CLMN: variants seen among roughly 807,000 people sequenced by gnomAD.
CLMN encodes calmin (calponin-like, transmembrane).
CLMN carries 57 observed loss-of-function variants against 92.7 expected under a neutral mutation model. That is an observed-to-expected ratio of 0.61 (90% confidence interval 0.50 to 0.77). The LOEUF (loss-of-function observed/expected upper bound fraction) is 0.77, where lower values mean the gene tolerates loss of function less well. Ranked by LOEUF, CLMN falls within the 30% of genes least tolerant of loss-of-function variation. The pLI is 0.00. For missense variants in CLMN, 1,158 were observed against 1,237.5 expected, an observed-to-expected ratio of 0.94 and a Z score of 0.96; for synonymous variants, 466 against 470.6, an observed-to-expected ratio of 0.99 and a Z score of 0.13.
At chr14:95,251,672 G>A (rs1898791476) in intron 1 of CLMN, among the ~76,000 whole-genome samples, 1 of 152,200 alleles carries the variant, frequency 6.6e-6, no homozygotes, top group Admixed American at 6.5e-5. Flanking sequence ...ACATAAAAAT[G>A]ATATTCTCAA....
Position 95,285,171 on chromosome 14 carries a change from C to T in CLMN, c.82+34540G>A, listed in dbSNP as rs1223782320. On this transcript the variant is annotated intron_variant, in intron 1 of 12. Transcript: ENST00000298912. ...CCACCACCATATAAGAAGTGCCTTT[C>T]GCCTCTCACCATGATTCTGAGGCCT... Among the ~76,000 whole-genome samples, 6 of 152,166 alleles carry T rather than the reference C, an allele frequency of 3.9e-5. No individual in the cohort carries two copies. The East Asian group carries it at 9.6e-4, about 24-fold the overall frequency.
chr14:95,187,508 G>T lies in CLMN; in HGVS notation c.*4056C>A, dbSNP rs1896468305. ...TTGGGGATTGGAATAGGAGGGATGG[G>T]GTGAGACATGGGGCTGAAGACCAGG... On this transcript the variant is annotated 3_prime_UTR_variant, in exon 13 of 13. Coordinates refer to ENST00000298912, the MANE Select transcript of CLMN (RefSeq NM_024734.4). 1 of 152,222 alleles carries T rather than the reference G, an allele frequency of 6.6e-6. No individual in the cohort carries two copies. The highest frequency in any genetic ancestry group is 6.5e-5 in the Admixed American group (1 of 15,288). The allele number at this position is 152,222 out of a possible 1,614,324, so 9.4% of individuals were successfully genotyped here. A position where few individuals can be genotyped will look rare whatever the true frequency, so the allele number is the denominator to read the frequency against.
intron 1 of CLMN, among the ~76,000 whole-genome samples, chr14:95,300,314 G>T (rs771476806): frequency 2.6e-5 from 4 of 152,236 alleles, no homozygotes; most frequent in Non-Finnish European, 4.4e-5. Context: ...AACTCTGTGG[G>T]CTGGTGTCAG....
intron 1 of CLMN, among the ~76,000 whole-genome samples, chr14:95,254,029 A>G (rs1898897365): frequency 2.0e-5 from 3 of 152,200 alleles, no homozygotes; most frequent in African/African-American, 7.2e-5. Flanking sequence ...ACCCATGGGC[A>G]GATCCGAGAA....
At chr14:95,272,417 C>T (rs1028937491) in intron 1 of CLMN, among the ~76,000 whole-genome samples, 1 of 152,122 alleles carries the variant, frequency 6.6e-6, no homozygotes, top group Non-Finnish European at 1.5e-5. Flanking sequence ...TTCCAGAACA[C>T]CCAGAGATGA....
At position 95,187,689 on chromosome 14, in the gene CLMN, T is replaced by A. The variant is rs1408094153; in HGVS notation, c.*3875A>T. Reference sequence around the variant, plus strand: ...TGAAAGTCTAAATACTCACGGGTGATGAGGCTGCCTGCTCAGCGGTCAGGA... The same window carrying A: ...TGAAAGTCTAAATACTCACGGGTGAAGAGGCTGCCTGCTCAGCGGTCAGGA... On this transcript the variant is annotated 3_prime_UTR_variant, in exon 13 of 13. Coordinates refer to ENST00000298912, the MANE Select transcript of CLMN (RefSeq NM_024734.4). The A allele has an allele frequency of 6.6e-6, 1 of 152,304 alleles. No individual in the cohort carries two copies. Among genetic ancestry groups the A allele is most frequent in the East Asian group, 1.9e-4 (1 of 5,200 alleles). 9.4% of individuals were successfully genotyped at this position (152,304 alleles called of 1,614,324 possible).
At chr14:95,302,513 T>G (rs542421172) in intron 1 of CLMN, among the ~76,000 whole-genome samples, 6 of 152,318 alleles carry the variant, frequency 3.9e-5, no homozygotes, top group Admixed American at 6.5e-5. Flanking sequence ...ATATTTTTAA[T>G]CTACTATATC....
At position 95,264,438 on chromosome 14, in the gene CLMN, C is replaced by T. The variant is rs111914004; in HGVS notation, c.83-34305G>A. On this transcript the variant is annotated intron_variant, in intron 1 of 12. Coordinates refer to ENST00000298912, the MANE Select transcript of CLMN (RefSeq NM_024734.4). The stretch of plus-strand genomic sequence containing the variant: ...CAGCTGTACAACCCTGGGTTAGTCC[C>T]GTAAAACATTCAGTCTTTAAGCTCA... Among the ~76,000 whole-genome samples, 545 of 152,212 alleles carry T rather than the reference C, an allele frequency of 3.6e-3. 10 individuals carry two copies. The highest frequency in any genetic ancestry group is 0.013 in the African/African-American group (525 of 41,516).
Position 95,191,845 on chromosome 14 carries a change from A to T in CLMN, c.2841-113T>A. On this transcript the variant is annotated intron_variant, in intron 12 of 12. Coordinates refer to ENST00000298912, the MANE Select transcript of CLMN (RefSeq NM_024734.4). The surrounding 1 kb of genome is among the most constrained non-coding windows in gnomAD (Gnocchi z 5.3). ...CCCCACTCCCCGCCTGAAGACCCGAAGGCTCCCCAGCACCATGTCCAGGTA... is the reference window on the plus strand; with the variant it reads ...CCCCACTCCCCGCCTGAAGACCCGATGGCTCCCCAGCACCATGTCCAGGTA... 1.0e-6 allele frequency: 1 copy of T among 990,354 alleles called. No individual in the cohort carries two copies. The highest frequency in any genetic ancestry group is 1.5e-6 in the Non-Finnish European group (1 of 681,544). The allele number at this position is 990,354 out of a possible 1,614,324, so 61.3% of individuals were successfully genotyped here. A position where few individuals can be genotyped will look rare whatever the true frequency, so the allele number is the denominator to read the frequency against.
At position 95,203,501 on chromosome 14, in the gene CLMN, C is replaced by G. The variant is rs777479899; in HGVS notation, c.1848G>C (p.Lys616Asn). 6 of 1,614,134 alleles carry G rather than the reference C, an allele frequency of 3.7e-6. No individual in the cohort carries two copies. The highest frequency in any genetic ancestry group is 5.1e-6 in the Non-Finnish European group (6 of 1,180,028). The change falls in exon 9 of 13, where the codon AAG (lysine) becomes AAC (asparagine). Residue 616 changes from lysine to asparagine, a missense_variant. Coordinates refer to ENST00000298912, the MANE Select transcript of CLMN (RefSeq NM_024734.4). ...TAACTTGAGGCTCTGGCGAATCCTT[C>G]TTTTTGTGAGCAGATTTAATACTCC... ...GKRSIKSAHK[K>N]KDSPEPQVKM...
intron 1 of CLMN, among the ~76,000 whole-genome samples, chr14:95,308,861 T>A (rs1000433409): frequency 1.3e-5 from 2 of 152,198 alleles, no homozygotes; most frequent in Non-Finnish European, 2.9e-5. Context: ...CTTTTTCAGC[T>A]GCATGGCCAT....
intron 9 of CLMN, among the ~76,000 whole-genome samples, chr14:95,198,446 C>G (rs1896785985): frequency 6.6e-6 from 1 of 152,000 alleles, no homozygotes; most frequent in African/African-American, 2.4e-5. Context: ...TCACCTTGGG[C>G]TCCTCATCAA....
intron 1 of CLMN, among the ~76,000 whole-genome samples, chr14:95,242,980 A>G (rs2140658537): frequency 6.6e-6 from 1 of 152,300 alleles, no homozygotes; most frequent in Non-Finnish European, 1.5e-5. Context: ...CCACATAGTA[A>G]ATGTTGCAGA....
chr14:95,217,274 A>G (rs939238276), intron 4 of CLMN, among the ~76,000 whole-genome samples: 5 of 152,106 alleles, frequency 3.3e-5, no homozygotes, highest in Admixed American at 2.6e-4. Context: ...TTTTTCCTCT[A>G]TTTCTTTCCT....
chr14:95,225,197 A>T (rs1325859317), intron 2 of CLMN, among the ~76,000 whole-genome samples: 1 of 151,528 alleles, frequency 6.6e-6, no homozygotes, highest in African/African-American at 2.4e-5. Context: ...ATTCCTCCAC[A>T]AAATCCAGCT....
At position 95,190,164 on chromosome 14, in the gene CLMN, G is replaced by A. The variant is rs1322909465; in HGVS notation, c.*1400C>T. ...AAGAACAAAACAAATGTCGATAGTTGGTCTAAACTTTTTGGTTTTGCTTGA... is the reference window on the plus strand; with the variant it reads ...AAGAACAAAACAAATGTCGATAGTTAGTCTAAACTTTTTGGTTTTGCTTGA... On this transcript the variant is annotated 3_prime_UTR_variant, in exon 13 of 13. Transcript: ENST00000298912. 1 of 152,194 alleles carries A rather than the reference G, an allele frequency of 6.6e-6. No homozygotes were observed. The highest frequency in any genetic ancestry group is 6.5e-5 in the Admixed American group (1 of 15,268). 9.4% of individuals were successfully genotyped at this position (152,194 alleles called of 1,614,324 possible). A position where few individuals can be genotyped will look rare whatever the true frequency, so the allele number is the denominator to read the frequency against.
chr14:95,197,254 A>G (rs961204642), intron 9 of CLMN, among the ~76,000 whole-genome samples: 1 of 151,956 alleles, frequency 6.6e-6, no homozygotes, highest in Admixed American at 6.6e-5. Context: ...GTGAAGAAGA[A>G]GGAAGAAGAA....
At chr14:95,199,573 C>T (rs1896818795) in intron 9 of CLMN, among the ~76,000 whole-genome samples, 1 of 152,290 alleles carries the variant, frequency 6.6e-6, no homozygotes, top group South Asian at 2.1e-4. Flanking sequence ...CCCTGTCAGG[C>T]ACCGTGCTGG....
intron 1 of CLMN, among the ~76,000 whole-genome samples, chr14:95,312,331 C>T (rs1320979466): frequency 6.6e-6 from 1 of 152,190 alleles, no homozygotes; most frequent in Non-Finnish European, 1.5e-5. Flanking sequence ...AAGGACCAGG[C>T]TTCAAGTGGG....
Sources: gnomAD v4.1 joint callset for allele counts (sites outside exome capture counted in the v4.1 genomes callset) on GRCh38, gnomAD v4.1.1 for gene constraint, Gnocchi (gnomAD v3.1) non-coding constraint, MANE v1.5 for transcripts, NCBI Gene and HGNC (gene_info 2026-07-23, HGNC 2026-07-21) for gene names.